PCDHAC1: variants seen among roughly 807,000 people sequenced by gnomAD.
The protein encoded by PCDHAC1 is protocadherin alpha-C1.
A neutral mutation model predicts 60.0 loss-of-function variants in PCDHAC1; 42 were observed. That is an observed-to-expected ratio of 0.70 (90% CI 0.55 to 0.90). The LOEUF is 0.90. Among genes scored for constraint, PCDHAC1 ranks in the 40% least tolerant of loss-of-function variants. The probability of loss-of-function intolerance (pLI) is 0.00; values close to 1 mark genes in which losing one functional copy is unlikely to be tolerated. For synonymous variants in PCDHAC1, 468 were observed against 499.3 expected (o/e 0.94, Z 0.84); for missense variants, 1,160 against 1,222.3 (o/e 0.95, Z 0.76).
At chr5:141,002,676 T>C (rs2098090585) in intron 3 of PCDHAC1, among the ~76,000 whole-genome samples, 1 of 152,196 alleles carries the variant, frequency 6.6e-6, no homozygotes, top group Non-Finnish European at 1.5e-5. Context: ...CCAAAACCTA[T>C]ACGACGTGCA....
At chr5:140,968,634 A>T (rs782166097) in intron 1 of PCDHAC1, 7 of 1,614,176 alleles carry the variant, frequency 4.3e-6, no homozygotes, top group Non-Finnish European at 5.9e-6. Flanking sequence ...CTTTTTTACC[A>T]TCTAGCCCAG....
intron 1 of PCDHAC1, chr5:140,968,302 G>C (rs2096236958): frequency 6.2e-7 from 1 of 1,613,812 alleles, no homozygotes; most frequent in African/African-American, 1.3e-5. Context: ...TGGAGAGGGA[G>C]ATTCAAGGGC....
chr5:140,982,649 G>T, intron 3 of PCDHAC1, 86 bp downstream of exon 3: 2 of 1,504,320 alleles, frequency 1.3e-6, no homozygotes, highest in South Asian at 1.3e-5. Context: ...AATGTTGATG[G>T]CTCTTTTTCT....
In PCDHAC1 at chr5:141,009,947, A is replaced by G; in HGVS notation, c.*10A>G. On this transcript the variant is annotated 3_prime_UTR_variant, in exon 4 of 4. Coordinates refer to ENST00000253807, the MANE Select transcript of PCDHAC1 (RefSeq NM_018898.5). ...CAACAGTGACCAGTGAGGTCCTCAAATGGAAACAAGCCACTTAGCCAGTTT... is the reference window on the plus strand; with the variant it reads ...CAACAGTGACCAGTGAGGTCCTCAAGTGGAAACAAGCCACTTAGCCAGTTT... The G allele has an allele frequency of 1.9e-6, 3 of 1,596,272 alleles. No individual in the cohort carries two copies. The South Asian group carries it at 3.4e-5, about 18-fold the overall frequency.
chr5:140,981,943 G>A (rs1207723761), intron 2 of PCDHAC1, among the ~76,000 whole-genome samples: 2 of 152,116 alleles, frequency 1.3e-5, no homozygotes, highest in Non-Finnish European at 2.9e-5. Flanking sequence ...GGAAATATAG[G>A]GTGGGTCATC....
chr5:140,927,808 T>C lies in PCDHAC1; in HGVS notation c.916T>C (p.Leu306=), dbSNP rs782535814. 116 of 1,614,090 alleles carry C rather than the reference T, an allele frequency of 7.2e-5. No homozygotes were observed. The highest frequency in any genetic ancestry group is 9.6e-5 in the Non-Finnish European group (113 of 1,180,052). Residue 306 remains leucine, a synonymous_variant, in exon 1 of 4, where the codon TTG becomes CTG. Coordinates refer to ENST00000253807, the MANE Select transcript of PCDHAC1 (RefSeq NM_018898.5). ...TTCACTAGGTCCGCCTGAAACGCTC[T>C]TGGAGGCATACATTGAGGCGAGGGA... ...AASLGPPETL[L]EAYIEARDEG...
chr5:140,939,510 A>G (rs2092401222), intron 1 of PCDHAC1, among the ~76,000 whole-genome samples: 1 of 150,724 alleles, frequency 6.6e-6, no homozygotes, highest in Admixed American at 6.6e-5. Flanking sequence ...TGTCTATAAC[A>G]TTAATAGTTA....
Position 140,927,694 on chromosome 5 carries a change from G to A in PCDHAC1, c.802G>A (p.Val268Ile). Reference sequence around the variant, plus strand: ...TCCAGATGAAGGGTCCAATGGGGAAGTCCAGTACTCCCTAAGCAACAGCAC... The same window carrying A: ...TCCAGATGAAGGGTCCAATGGGGAAATCCAGTACTCCCTAAGCAACAGCAC... ...LDPDEGSNGE[V>I]QYSLSNSTQA... The change falls in exon 1 of 4, where the codon GTC (valine) becomes ATC (isoleucine). Residue 268 changes from valine to isoleucine, a missense_variant. By Grantham distance (29) the Val-to-Ile change is conservative. Around this residue, in one of 3 missense-constraint regions of PCDHAC1, gnomAD observed 1,113 missense variants for 1,163.7 expected, o/e 0.96. Coordinates refer to ENST00000253807, the MANE Select transcript of PCDHAC1 (RefSeq NM_018898.5). The A allele has an allele frequency of 6.2e-7, 1 of 1,614,202 alleles. No individual in the cohort carries two copies. Among genetic ancestry groups the A allele is most frequent in the Non-Finnish European group, 8.5e-7 (1 of 1,180,034 alleles).
rs995118768 is a variant in PCDHAC1 at position 140,943,957 on chromosome 5, T to G, written c.2433+14632T>G. Among the ~76,000 whole-genome samples the G allele has an allele frequency of 2.6e-5, 4 of 152,224 alleles. No individual in the cohort carries two copies. The South Asian group carries it at 8.3e-4, about 32-fold the overall frequency. On this transcript the variant is annotated intron_variant, in intron 1 of 3. Coordinates refer to ENST00000253807, the MANE Select transcript of PCDHAC1 (RefSeq NM_018898.5). ...TGTGGTTATAGGAGAAGCAGTGAAT[T>G]AAAGAGTTAAAGTAATTAAGAAAAC... is the stretch of plus-strand genomic sequence containing the variant.
In PCDHAC1 at chr5:140,926,973, G is replaced by T. The variant is rs369317394; in HGVS notation, c.81G>T (p.Pro27=). 5.0e-6 allele frequency: 8 copies of T among 1,609,646 alleles called. No homozygotes were observed. The African/African-American group carries it at 1.1e-4, about 21-fold the overall frequency. The change falls in exon 1 of 4, where the codon CCG becomes CCT. Residue 27 remains proline, a synonymous_variant. Transcript: ENST00000253807. The part of the protein sequence containing the change: ...AAAGQLEYSV[P]EETERGVAVG... ...CGGGACAGCTCGAGTACTCAGTGCC[G>T]GAGGAGACGGAGCGGGGCGTAGCCG...
At chr5:140,943,409 T>C (rs1460668622) in intron 1 of PCDHAC1, among the ~76,000 whole-genome samples, 1 of 152,078 alleles carries the variant, frequency 6.6e-6, no homozygotes, top group Non-Finnish European at 1.5e-5. Flanking sequence ...AAATTCAGAC[T>C]AGAGGCAAGG....
intron 1 of PCDHAC1, among the ~76,000 whole-genome samples, chr5:140,956,211 T>C (rs908749043): frequency 6.6e-6 from 1 of 152,198 alleles, no homozygotes; most frequent in African/African-American, 2.4e-5. Context: ...AAAGAGGGCA[T>C]CCTTGTCTTG....
chr5:140,928,280 C>T lies in PCDHAC1; in HGVS notation c.1388C>T (p.Ser463Phe), dbSNP rs781831365. Residue 463 changes from serine (S) to phenylalanine (F), a missense_variant, in exon 1 of 4, where the codon TCT becomes TTT. Around this residue, in one of 3 missense-constraint regions of PCDHAC1, gnomAD observed 1,113 missense variants for 1,163.7 expected, o/e 0.96. Transcript: ENST00000253807. ...GCTGAAAACAATGGCCCTGGGGCCTCTCTAGGCCGAGTGTTTGCCCAGGAC... is the reference window on the plus strand; with the variant it reads ...GCTGAAAACAATGGCCCTGGGGCCTTTCTAGGCCGAGTGTTTGCCCAGGAC... ...FVAENNGPGA[S>F]LGRVFAQDPD... 1 of 1,614,076 alleles carries T rather than the reference C, an allele frequency of 6.2e-7. No homozygotes were observed. The highest frequency in any genetic ancestry group is 1.3e-5 in the African/African-American group (1 of 74,940).
intron 3 of PCDHAC1, among the ~76,000 whole-genome samples, chr5:141,000,389 CTCTCTCTATATA>C (rs1270729414): frequency 5.3e-4 from 33 of 62,572 alleles, no homozygotes; most frequent in African/African-American, 2.0e-3. Context: ...CTCTCTCTCT[CTCTCTCTATATA>C]TATATATATA....
intron 1 of PCDHAC1, chr5:140,930,027 T>A (rs1554207548): frequency 6.6e-6 from 1 of 152,190 alleles, no homozygotes; most frequent in Non-Finnish European, 1.5e-5. Context: ...CATAGCAGTG[T>A]TTTGTAACTG....
chr5:140,931,319 T>A (rs1237988294), intron 1 of PCDHAC1, among the ~76,000 whole-genome samples: 3 of 152,086 alleles, frequency 2.0e-5, no homozygotes, highest in Non-Finnish European at 4.4e-5. Flanking sequence ...ATACCAGTAA[T>A]GGCTGTAAAG....
chr5:141,006,765 G>T (rs1299930915), intron 3 of PCDHAC1, among the ~76,000 whole-genome samples: 3 of 152,174 alleles, frequency 2.0e-5, no homozygotes, highest in Non-Finnish European at 4.4e-5. Context: ...ATGAAGAATA[G>T]AATAGAGAAA....
intron 3 of PCDHAC1, among the ~76,000 whole-genome samples, chr5:140,996,928 G>A (rs114173550): frequency 6.6e-6 from 1 of 152,032 alleles, no homozygotes; most frequent in African/African-American, 2.4e-5. Flanking sequence ...AAAAAATATA[G>A]CATTTTTGCA....
At chr5:141,006,130 TAGAAAGCTTAAGC>T (rs2098257447) in intron 3 of PCDHAC1, among the ~76,000 whole-genome samples, 1 of 150,362 alleles carries the variant, frequency 6.7e-6, no homozygotes. Context: ...CTCAAGGCAG[TAGAAAGCTTAAGC>T]AGAGGAGTGA....
Sources: allele counts gnomAD v4.1 joint callset (sites outside exome capture counted in the v4.1 genomes callset), GRCh38; gene constraint gnomAD v4.1.1; regional missense constraint gnomAD v4.1.1; transcripts MANE v1.5; gene names NCBI Gene and HGNC (gene_info 2026-07-23, HGNC 2026-07-21).